PASK: variants seen among roughly 807,000 people sequenced by gnomAD.
PASK encodes the protein PAS domain containing serine/threonine kinase, also known as PAS domain-containing serine/threonine-protein kinase.
A neutral mutation model predicts 121.0 loss-of-function variants in PASK; 110 were observed. The ratio of observed to expected loss-of-function variants is 0.91; its 90% CI spans 0.78 to 1.06. PASK has a LOEUF of 1.06. Among genes scored for constraint, PASK ranks in the 50% least tolerant of loss-of-function variants. The probability of loss-of-function intolerance (pLI) is 0.00; values close to 1 mark genes in which losing one functional copy is unlikely to be tolerated. For synonymous variants in PASK, 686 were observed against 717.8 expected, an observed-to-expected ratio of 0.96 and a Z score of 0.71; for missense variants, 1,643 against 1,702.3, an observed-to-expected ratio of 0.97 and a Z score of 0.61.
intron 4 of PASK, 68 bp downstream of exon 4, chr2:241,139,817 C>G: frequency 6.9e-7 from 1 of 1,450,976 alleles, no homozygotes; most frequent in Non-Finnish European, 9.6e-7. Context: ...GTAGGGAACA[C>G]TGAGCTGTTC....
intron 12 of PASK, among the ~76,000 whole-genome samples, chr2:241,120,711 T>C (rs948075082): frequency 1.1e-4 from 17 of 152,248 alleles, no homozygotes; most frequent in African/African-American, 3.1e-4. Flanking sequence ...GGAACCCTTG[T>C]ACACTGCTGA....
intron 9 of PASK, among the ~76,000 whole-genome samples, chr2:241,128,233 T>C (rs1575291083): frequency 6.6e-6 from 1 of 152,130 alleles, no homozygotes; most frequent in South Asian, 2.1e-4. Context: ...TGAGCTGAGA[T>C]TGTACCAGCT....
intron 17 of PASK, 107 bp downstream of exon 17, chr2:241,107,245 AT>A: frequency 1.0e-6 from 1 of 967,510 alleles, no homozygotes; most frequent in East Asian, 2.4e-5. Flanking sequence ...CCAAGACAGC[AT>A]GGGGGAGAGA....
At position 241,115,248 on chromosome 2, in the gene PASK, A is replaced by G. The variant is rs532453065; in HGVS notation, c.3198+40T>C. ...AGTCAACAAATTGAAGACATTTGAC[A>G]TGAGCCAAGTTAGGGTATCTCTGAA... On this transcript the variant is annotated intron_variant, in intron 13 of 17. Coordinates refer to ENST00000234040, the MANE Select transcript of PASK (RefSeq NM_015148.4). 7 of 1,614,002 alleles carry G rather than the reference A, an allele frequency of 4.3e-6. No individual in the cohort carries two copies. In the South Asian group the frequency reaches 7.7e-5, roughly 18 times the overall value.
rs1182420455 is a variant in PASK, at chr2:241,112,055, G to A, written c.3533+185C>T. Among the ~76,000 whole-genome samples the A allele has an allele frequency of 1.3e-5, 2 of 151,738 alleles. No individual in the cohort carries two copies. Among genetic ancestry groups the A allele is most frequent in the African/African-American group, 2.4e-5 (1 of 41,270 alleles). On this transcript the variant is annotated intron_variant, in intron 15 of 17. Transcript: ENST00000234040. The surrounding 1 kb of genome is among the most constrained non-coding windows in gnomAD (Gnocchi z 5.2). ...AAAATTATTAACTCCTATATCCATC[G>A]CCCAGTGCCTTTGCCCAATATGACC...
intron 9 of PASK, 70 bp downstream of exon 9, chr2:241,132,804 C>T (rs1206021352): frequency 1.6e-6 from 2 of 1,250,708 alleles, no homozygotes; most frequent in African/African-American, 1.5e-5. Context: ...TTCTCTCTGA[C>T]TTGTTCCTCA....
intron 15 of PASK, chr2:241,109,900 C>CA (rs2065035716): frequency 6.6e-6 from 1 of 152,236 alleles, no homozygotes; most frequent in Non-Finnish European, 1.5e-5. Flanking sequence ...TCAACTCTGT[C>CA]ATGTAGGACA....
At chr2:241,146,909 T>TA (rs1559407087) in intron 1 of PASK, among the ~76,000 whole-genome samples, 1 of 152,210 alleles carries the variant, frequency 6.6e-6, no homozygotes, top group East Asian at 1.9e-4. Context: ...AATAAACTGA[T>TA]ACGGCCAAAA....
intron 8 of PASK, chr2:241,134,051 T>G (rs1162737013): frequency 6.6e-6 from 1 of 151,466 alleles, no homozygotes; most frequent in Non-Finnish European, 1.5e-5. Context: ...GCCTGCTCTG[T>G]GACCAGGACA....
chr2:241,111,254 C>A (rs542164784), intron 15 of PASK, among the ~76,000 whole-genome samples: 40 of 152,304 alleles, frequency 2.6e-4, no homozygotes, highest in Non-Finnish European at 5.3e-4. Flanking sequence ...CCGTGTGCCT[C>A]TCCTGTGGGG....
At chr2:241,137,631 T>G (rs2066501465) in intron 6 of PASK, among the ~76,000 whole-genome samples, 1 of 152,148 alleles carries the variant, frequency 6.6e-6, no homozygotes, top group Non-Finnish European at 1.5e-5. Context: ...ACCAGGATAC[T>G]GGCCCCACAG....
At chr2:241,113,914 A>T (rs1471354846) in intron 14 of PASK, 1 of 984,338 alleles carries the variant, frequency 1.0e-6, no homozygotes, top group African/African-American at 1.7e-5. Flanking sequence ...CATATACTTT[A>T]TAAAATTGTG....
intron 10 of PASK, among the ~76,000 whole-genome samples, chr2:241,125,357 T>C (rs1226012857): frequency 1.3e-5 from 2 of 150,412 alleles, no homozygotes; most frequent in South Asian, 2.1e-4. Flanking sequence ...TCCCAGCATT[T>C]TGGGAAGCCG....
At position 241,126,432 on chromosome 2, in the gene PASK, AC is replaced by A. The variant is rs1300123391; in HGVS notation, c.2482del (p.Val828PhefsTer40). On this transcript the variant is annotated frameshift_variant, in exon 10 of 18. Transcript: ENST00000234040. LOFTEE classifies it high-confidence loss of function. Reference sequence around the variant, plus strand: ...ATAATGCTCAGAGGACACCAAACAAACCTCAAGCGGTTCTGTTGGATCATGT... The same window carrying A: ...ATAATGCTCAGAGGACACCAAACAAACTCAAGCGGTTCTGTTGGATCATGT... The part of the protein sequence containing the change: ...VGHDPTEPLE[V>X]CLVSSEHYAA... The A allele has an allele frequency of 6.2e-7, 1 of 1,613,874 alleles. No individual in the cohort carries two copies.
At chr2:241,142,157 G>A (rs2066730045) in intron 2 of PASK, among the ~76,000 whole-genome samples, 1 of 151,686 alleles carries the variant, frequency 6.6e-6, no homozygotes, top group Admixed American at 6.6e-5. Context: ...CACAAGCTCA[G>A]CTCCAACACC....
chr2:241,117,244 T>G (rs943814767), intron 12 of PASK, among the ~76,000 whole-genome samples: 14 of 152,076 alleles, frequency 9.2e-5, no homozygotes, highest in Admixed American at 2.6e-4. Context: ...AGGAGACAAA[T>G]TCTGAAGACC....
At chr2:241,131,897 T>C (rs1411914472) in intron 9 of PASK, among the ~76,000 whole-genome samples, 1 of 150,750 alleles carries the variant, frequency 6.6e-6, no homozygotes, top group Admixed American at 6.6e-5. Flanking sequence ...CTAGTAAAAA[T>C]ACAAAAATTA....
chr2:241,106,832 C>G, intron 17 of PASK, 109 bp from the exon 18 acceptor site: 1 of 1,103,160 alleles, frequency 9.1e-7, no homozygotes, highest in Non-Finnish European at 1.4e-6. Flanking sequence ...GTGAGGCCCT[C>G]AGAAATCCAA....
chr2:241,148,635 A>G (rs1239153403), intron 1 of PASK, among the ~76,000 whole-genome samples: 2 of 152,272 alleles, frequency 1.3e-5, no homozygotes, highest in African/African-American at 4.8e-5. Flanking sequence ...TGAACTTTTA[A>G]GGATTCAATG....
Sources: allele counts gnomAD v4.1 joint callset (sites outside exome capture counted in the v4.1 genomes callset), GRCh38; gene constraint gnomAD v4.1.1; non-coding constraint Gnocchi (gnomAD v3.1); transcripts MANE v1.5; gene names NCBI Gene and HGNC (gene_info 2026-07-23, HGNC 2026-07-21).